Variants in MAPKAP1 observed in about 807,000 individuals in gnomAD.
MAPKAP1 encodes the protein MAPK associated protein 1.
MAPKAP1 carries 20 observed loss-of-function variants against 65.7 expected under a neutral mutation model. The observed-to-expected ratio is 0.30, with a 90% CI of 0.21 to 0.44. The LOEUF (loss-of-function observed/expected upper bound fraction) is 0.44. Among genes scored for constraint, MAPKAP1 ranks in the 20% least tolerant of loss-of-function variants. The pLI is 1.00. For missense variants in MAPKAP1, 423 were observed against 648.0 expected (o/e 0.65, Z 3.77); for synonymous variants, 222 against 244.3 (o/e 0.91, Z 0.85).
At position 125,474,090 on chromosome 9, in the gene MAPKAP1, T is replaced by A. The variant is rs147595767; in HGVS notation, c.1208-5981A>T. 2.2e-4 allele frequency among the ~76,000 whole-genome samples: 34 copies of A among 152,176 alleles called. 1 individual carries two copies. In the East Asian group the frequency reaches 6.4e-3, roughly 29 times the overall value. The stretch of plus-strand genomic sequence containing the variant: ...GGTTAAGGATGTGACATAGACTCAG[T>A]GATGAGGGTCGAGTCTGGGGAGCTC... On this transcript the variant is annotated intron_variant, in intron 9 of 11. Transcript: ENST00000265960.
intron 1 of MAPKAP1, among the ~76,000 whole-genome samples, chr9:125,689,342 C>T (rs1835088327): frequency 6.9e-6 from 1 of 144,318 alleles, no homozygotes; most frequent in Non-Finnish European, 1.5e-5. Context: ...GAGGCTGAGG[C>T]AGAAGAATGG....
At chr9:125,463,046 T>C (rs572079576) in intron 10 of MAPKAP1, among the ~76,000 whole-genome samples, 1 of 152,356 alleles carries the variant, frequency 6.6e-6, no homozygotes, top group South Asian at 2.1e-4. Flanking sequence ...GGTAGAAGTC[T>C]TGCAAAAGTA....
At chr9:125,690,678 A>G (rs954710945) in intron 1 of MAPKAP1, among the ~76,000 whole-genome samples, 4 of 152,234 alleles carry the variant, frequency 2.6e-5, no homozygotes, top group Admixed American at 6.5e-5. Flanking sequence ...TCTAAGATGA[A>G]TCTTCAAAGA....
chr9:125,692,227 A>T (rs1177130741), intron 1 of MAPKAP1, among the ~76,000 whole-genome samples: 1 of 152,270 alleles, frequency 6.6e-6, no homozygotes, highest in Non-Finnish European at 1.5e-5. Flanking sequence ...TGTTCACAGT[A>T]GTATTCATAA....
intron 1 of MAPKAP1, among the ~76,000 whole-genome samples, chr9:125,698,314 T>TATATATATAA (rs1835483549): frequency 1.8e-5 from 1 of 56,302 alleles, no homozygotes; most frequent in Non-Finnish European, 3.6e-5. Flanking sequence ...TATATATATA[T>TATATATATAA]ATATATATAT....
chr9:125,610,611 T>C (rs765843385), intron 4 of MAPKAP1, among the ~76,000 whole-genome samples: 20 of 152,240 alleles, frequency 1.3e-4, no homozygotes, highest in Non-Finnish European at 1.6e-4. Flanking sequence ...TGAGAGTAAA[T>C]TAGAATTAAG....
chr9:125,609,414 ACT>A (rs1304357335), intron 4 of MAPKAP1, among the ~76,000 whole-genome samples: 3 of 151,706 alleles, frequency 2.0e-5, no homozygotes, highest in Non-Finnish European at 4.4e-5. Flanking sequence ...AAGAAATCCC[ACT>A]CTCGGAATGC....
intron 6 of MAPKAP1, among the ~76,000 whole-genome samples, chr9:125,556,044 T>TC (rs1428063836): frequency 6.6e-6 from 1 of 152,232 alleles, no homozygotes. Context: ...GTTCTTGCTC[T>TC]CCAAGGGTTG....
At chr9:125,623,722 C>T (rs1832986938) in intron 4 of MAPKAP1, among the ~76,000 whole-genome samples, 1 of 46,420 alleles carries the variant, frequency 2.2e-5, no homozygotes, top group African/African-American at 4.6e-5. Flanking sequence ...GGGTCAGCCC[C>T]CCGCCCGGCC....
intron 1 of MAPKAP1, among the ~76,000 whole-genome samples, chr9:125,702,736 C>G (rs1350829984): frequency 1.3e-5 from 2 of 151,522 alleles, no homozygotes; most frequent in African/African-American, 4.9e-5. Context: ...CCTGTAGTCC[C>G]AGCTACTCAG....
intron 1 of MAPKAP1, chr9:125,696,189 A>G (rs916126814): frequency 4.6e-5 from 7 of 152,208 alleles, no homozygotes; most frequent in African/African-American, 1.7e-4. Context: ...ACAGACATTC[A>G]CATTTGTTAA....
intron 1 of MAPKAP1, among the ~76,000 whole-genome samples, chr9:125,693,080 C>G (rs960380364): frequency 6.6e-6 from 1 of 152,078 alleles, no homozygotes; most frequent in African/African-American, 2.4e-5. Flanking sequence ...TAATCCACAC[C>G]AGGGGATCCG....
chr9:125,503,026 TA>T (rs1829031120), intron 8 of MAPKAP1, among the ~76,000 whole-genome samples: 1 of 152,176 alleles, frequency 6.6e-6, no homozygotes, highest in Non-Finnish European at 1.5e-5. Flanking sequence ...TTTTTATATC[TA>T]AAAACGTATT....
chr9:125,533,306 C>T (rs183644886), intron 7 of MAPKAP1, among the ~76,000 whole-genome samples: 1 of 152,156 alleles, frequency 6.6e-6, no homozygotes, highest in African/African-American at 2.4e-5. Context: ...ACACTAAAGA[C>T]CCAGAAATGC....
chr9:125,496,369 G>A (rs73591555), intron 8 of MAPKAP1, among the ~76,000 whole-genome samples: 1 of 152,180 alleles, frequency 6.6e-6, no homozygotes, highest in Non-Finnish European at 1.5e-5. Context: ...AGCCAGACAG[G>A]TTAACTGGCT....
chr9:125,628,339 C>T (rs1488419286), intron 4 of MAPKAP1, among the ~76,000 whole-genome samples: 2 of 152,024 alleles, frequency 1.3e-5, no homozygotes, highest in Non-Finnish European at 2.9e-5. Flanking sequence ...GGAAAAGGGG[C>T]ACTTTAAATA....
chr9:125,446,205 C>T (rs1039908520), intron 10 of MAPKAP1, among the ~76,000 whole-genome samples: 2 of 152,106 alleles, frequency 1.3e-5, no homozygotes, highest in Non-Finnish European at 2.9e-5. Flanking sequence ...ATATGTTGTA[C>T]ATTTGTGGCC....
At position 125,519,281 on chromosome 9, in the gene MAPKAP1, T is replaced by A. The variant is rs199988009; in HGVS notation, c.959-12864A>T. On this transcript the variant is annotated intron_variant, in intron 7 of 11. Coordinates refer to ENST00000265960, the MANE Select transcript of MAPKAP1 (RefSeq NM_001006617.3). ...GACCACAGAAGCTTCCAGTGCTGCT[T>A]AAAGGGGTTGAGCAGGCAAAGGTGA... 2.0e-3 allele frequency among the ~76,000 whole-genome samples: 311 copies of A among 152,126 alleles called. 5 individuals are homozygous for A. The East Asian group carries it at 0.058, about 29-fold the overall frequency.
intron 9 of MAPKAP1, 110 bp from the exon 10 acceptor site, chr9:125,468,219 G>A (rs960618567): frequency 3.4e-6 from 4 of 1,187,626 alleles, no homozygotes; most frequent in Non-Finnish European, 4.8e-6. Flanking sequence ...ATGAACGTGA[G>A]CTCTTTCTTA....
Sources: allele counts gnomAD v4.1 joint callset (sites outside exome capture counted in the v4.1 genomes callset), GRCh38; gene constraint gnomAD v4.1.1; transcripts MANE v1.5; gene names NCBI Gene and HGNC (gene_info 2026-07-23, HGNC 2026-07-21).